The following NDUFS4 variants were observed in gnomAD, a reference collection of about 807,000 sequenced individuals.
NDUFS4 encodes the protein NADH dehydrogenase [ubiquinone] iron-sulfur protein 4, mitochondrial.
Under a neutral mutation model 24.3 loss-of-function variants are expected in NDUFS4, and 28 were observed. The ratio of observed to expected loss-of-function variants is 1.15; its 90% CI spans 0.85 to 1.58. The LOEUF is 1.58. Ranked by LOEUF, NDUFS4 falls within the 40% of genes most tolerant of loss-of-function variation. The pLI, the probability that NDUFS4 is intolerant of heterozygous loss-of-function variation, is 0.00. For synonymous variants in NDUFS4, 93 were observed against 69.7 expected (o/e 1.34, Z -1.67); for missense variants, 223 against 207.9 (o/e 1.07, Z -0.45).
chr5:53,593,403 G>GTC lies in NDUFS4; in HGVS notation c.99-10028_99-10027dup, dbSNP rs141885291. On this transcript the variant is annotated intron_variant, in intron 1 of 4. Transcript: ENST00000296684. ...GTTTCATTTTATATATTAGGGCTTT[G>GTC]TCTCTCTCTCTCTCTCTCTCTCATC... Among the ~76,000 whole-genome samples, 850 of 145,700 alleles carry GTC rather than the reference G, an allele frequency of 5.8e-3. 8 individuals carry two copies. The highest frequency in any genetic ancestry group is 0.016 in the African/African-American group (638 of 39,964).
At position 53,577,735 on chromosome 5, in the gene NDUFS4, A is replaced by G. The variant is rs546197993; in HGVS notation, c.98+16975A>G. On this transcript the variant is annotated intron_variant, in intron 1 of 4. Transcript: ENST00000296684. ...AGGATTTGGAAATTGAGGTCTTCCA[A>G]CTCACTTAACTATAAATAATAATCT... is the stretch of plus-strand genomic sequence containing the variant. Among the ~76,000 whole-genome samples the G allele has an allele frequency of 7.2e-5, 11 of 152,258 alleles. No homozygotes were observed. In the East Asian group the frequency reaches 1.9e-3, roughly 27 times the overall value.
intron 1 of NDUFS4, among the ~76,000 whole-genome samples, chr5:53,567,656 C>G (rs1749079873): frequency 6.6e-6 from 1 of 151,852 alleles, no homozygotes; most frequent in Non-Finnish European, 1.5e-5. Flanking sequence ...GCTATGCTTT[C>G]TGAGTTCTCG....
chr5:53,666,070 A>T (rs192150213), intron 4 of NDUFS4, among the ~76,000 whole-genome samples: 2 of 152,204 alleles, frequency 1.3e-5, no homozygotes, highest in African/African-American at 4.8e-5. Context: ...TCTTAATTAC[A>T]TAATTGTTTT....
intron 2 of NDUFS4, among the ~76,000 whole-genome samples, chr5:53,632,176 A>G (rs1236130448): frequency 6.6e-6 from 1 of 152,314 alleles, no homozygotes; most frequent in African/African-American, 2.4e-5. Context: ...CAGAAAATAC[A>G]GTTAATGATT....
chr5:53,581,827 C>T (rs1028447153), intron 1 of NDUFS4, among the ~76,000 whole-genome samples: 6 of 152,008 alleles, frequency 3.9e-5, no homozygotes, highest in Admixed American at 2.0e-4. Context: ...CCAGTTTAAC[C>T]GTAGGCTAAT....
At chr5:53,601,813 G>T (rs1450056931) in intron 1 of NDUFS4, among the ~76,000 whole-genome samples, 2 of 152,204 alleles carry the variant, frequency 1.3e-5, no homozygotes, top group Admixed American at 1.3e-4. Context: ...GCGTTAGTCA[G>T]AACTTAGTAG....
intron 4 of NDUFS4, among the ~76,000 whole-genome samples, chr5:53,665,286 TGAG>T (rs1465757641): frequency 1.3e-5 from 2 of 152,146 alleles, no homozygotes; most frequent in African/African-American, 4.8e-5. Context: ...GGGACCCACT[TGAG>T]GAGGCAGTCT....
chr5:53,621,130 G>A (rs256118), intron 2 of NDUFS4, among the ~76,000 whole-genome samples: 31,023 of 151,998 alleles, frequency 0.2, 3,717 homozygotes, highest in East Asian at 0.46. Context: ...CTGTTGGTTG[G>A]TGCATTAACA....
intron 2 of NDUFS4, among the ~76,000 whole-genome samples, chr5:53,605,642 T>C (rs1162851451): frequency 1.3e-5 from 2 of 152,170 alleles, no homozygotes; most frequent in African/African-American, 4.8e-5. Flanking sequence ...TGTAAGGGGA[T>C]TGGTTCTAGG....
At chr5:53,678,959 TAACA>T (rs973518762) in intron 4 of NDUFS4, among the ~76,000 whole-genome samples, 24 of 152,266 alleles carry the variant, frequency 1.6e-4, no homozygotes, top group Admixed American at 1.4e-3. Flanking sequence ...CCAGGTACTG[TAACA>T]AACACCTTGG....
chr5:53,622,552 A>T (rs1751080186), intron 2 of NDUFS4, among the ~76,000 whole-genome samples: 1 of 151,596 alleles, frequency 6.6e-6, no homozygotes, highest in East Asian at 1.9e-4. Flanking sequence ...AACCCTAATT[A>T]CCTCCCAAAG....
chr5:53,637,920 C>G (rs1016247984), intron 2 of NDUFS4, among the ~76,000 whole-genome samples: 1 of 152,056 alleles, frequency 6.6e-6, no homozygotes, highest in Non-Finnish European at 1.5e-5. Flanking sequence ...TCACTGCAAA[C>G]ACTTTGAGAG....
At chr5:53,606,215 G>A (rs1379873809) in intron 2 of NDUFS4, among the ~76,000 whole-genome samples, 1 of 152,010 alleles carries the variant, frequency 6.6e-6, no homozygotes, top group African/African-American at 2.4e-5. Flanking sequence ...CCTGAGATTG[G>A]GTAATTTATA....
At chr5:53,662,527 A>G (rs1326271819) in intron 4 of NDUFS4, among the ~76,000 whole-genome samples, 8 of 152,006 alleles carry the variant, frequency 5.3e-5, no homozygotes, top group Non-Finnish European at 8.8e-5. Context: ...GTTAGGGAGG[A>G]TTCCTTCTTT....
chr5:53,638,450 G>T (rs1269946604), intron 2 of NDUFS4, among the ~76,000 whole-genome samples: 1 of 151,998 alleles, frequency 6.6e-6, no homozygotes, highest in Non-Finnish European at 1.5e-5. Context: ...AGATTTTAAA[G>T]GCAAACACAG....
chr5:53,660,184 TC>T (rs1752291701), intron 4 of NDUFS4, among the ~76,000 whole-genome samples: 1 of 127,990 alleles, frequency 7.8e-6, no homozygotes, highest in South Asian at 3.0e-4. Flanking sequence ...AGTGTGATGT[TC>T]CCCTTCCTGT....
intron 1 of NDUFS4, among the ~76,000 whole-genome samples, chr5:53,598,328 G>A (rs931679650): frequency 6.6e-6 from 1 of 152,130 alleles, no homozygotes; most frequent in African/African-American, 2.4e-5. Context: ...TAACCCCAAT[G>A]TTCATCAGTG....
At chr5:53,611,717 A>G (rs1379010811) in intron 2 of NDUFS4, among the ~76,000 whole-genome samples, 2 of 151,990 alleles carry the variant, frequency 1.3e-5, no homozygotes, top group Non-Finnish European at 2.9e-5. Flanking sequence ...CTGTGCCATG[A>G]GGTTAGGTGA....
chr5:53,611,172 CAG>C (rs1750683363), intron 2 of NDUFS4, among the ~76,000 whole-genome samples: 1 of 149,834 alleles, frequency 6.7e-6, no homozygotes, highest in African/African-American at 2.4e-5. Flanking sequence ...TTGTGGATGT[CAG>C]TGCTAATACA....
Sources: allele counts gnomAD v4.1 joint callset (sites outside exome capture counted in the v4.1 genomes callset), GRCh38; gene constraint gnomAD v4.1.1; transcripts MANE v1.5; gene names NCBI Gene and HGNC (gene_info 2026-07-23, HGNC 2026-07-21).